NCAM2: variants seen among roughly 807,000 people sequenced by gnomAD.
NCAM2 encodes the protein N-CAM-2.
Under a neutral mutation model 98.1 loss-of-function variants are expected in NCAM2, and 30 were observed. The ratio of observed to expected loss-of-function variants is 0.31; its 90% CI spans 0.23 to 0.41. The LOEUF is 0.41. NCAM2 is among the 10% of genes least tolerant of loss of function. The pLI is 1.00. For synonymous variants in NCAM2, 368 were observed against 342.4 expected, an observed-to-expected ratio of 1.07 and a Z score of -0.83; for missense variants, 867 against 1,005.8, an observed-to-expected ratio of 0.86 and a Z score of 1.87.
At chr21:21,284,918 C>A (rs1414260427) in intron 3 of NCAM2, among the ~76,000 whole-genome samples, 1 of 151,628 alleles carries the variant, frequency 6.6e-6, no homozygotes, top group African/African-American at 2.4e-5. Context: ...ATTTGCACTT[C>A]ATTTTATGTC....
chr21:21,083,029 A>T (rs1201004318), intron 1 of NCAM2, among the ~76,000 whole-genome samples: 2 of 152,370 alleles, frequency 1.3e-5, no homozygotes, highest in Non-Finnish European at 2.9e-5. Flanking sequence ...AGCATTTGTC[A>T]GAACAGAATA....
intron 1 of NCAM2, chr21:21,146,982 C>G (rs938848247): frequency 1.5e-6 from 1 of 664,908 alleles, no homozygotes; most frequent in African/African-American, 2.0e-5. Context: ...GAACTCAGAC[C>G]GCTGCCTTCT....
At chr21:21,128,960 T>A (rs1266326936) in intron 1 of NCAM2, among the ~76,000 whole-genome samples, 1 of 152,070 alleles carries the variant, frequency 6.6e-6, no homozygotes, top group Non-Finnish European at 1.5e-5. Context: ...ATCCAAAGAA[T>A]GAATGAGCAG....
chr21:21,484,189 A>G (rs1267754079), intron 15 of NCAM2, among the ~76,000 whole-genome samples: 2 of 152,166 alleles, frequency 1.3e-5, no homozygotes, highest in African/African-American at 2.4e-5. Flanking sequence ...ATAAACATCA[A>G]TATTGACCTT....
intron 8 of NCAM2, among the ~76,000 whole-genome samples, chr21:21,359,366 A>T (rs1327595850): frequency 6.6e-6 from 1 of 151,920 alleles, no homozygotes; most frequent in Non-Finnish European, 1.5e-5. Flanking sequence ...ATCATTTACA[A>T]CTTTCTGAAA....
At chr21:21,483,852 C>T (rs1032560467) in intron 15 of NCAM2, among the ~76,000 whole-genome samples, 3 of 152,008 alleles carry the variant, frequency 2.0e-5, no homozygotes, top group Non-Finnish European at 4.4e-5. Context: ...TGCTTATGGC[C>T]AATAGGTTAA....
intron 16 of NCAM2, among the ~76,000 whole-genome samples, chr21:21,534,237 T>C (rs1217289763): frequency 1.3e-5 from 2 of 152,072 alleles, no homozygotes; most frequent in African/African-American, 2.4e-5. Flanking sequence ...ATTTTCATTT[T>C]TTTCAAAATA....
At chr21:21,380,549 G>T (rs1286426444) in intron 9 of NCAM2, among the ~76,000 whole-genome samples, 1 of 151,840 alleles carries the variant, frequency 6.6e-6, no homozygotes, top group East Asian at 1.9e-4. Flanking sequence ...GCTCCAGAAG[G>T]ATTCTGTTTT....
chr21:21,349,049 C>A (rs1415730067), intron 8 of NCAM2, among the ~76,000 whole-genome samples: 1 of 152,052 alleles, frequency 6.6e-6, no homozygotes, highest in East Asian at 1.9e-4. Context: ...AGCAATACCC[C>A]ACAAGCACAG....
At chr21:21,364,601 C>T (rs2075737397) in intron 8 of NCAM2, among the ~76,000 whole-genome samples, 1 of 151,752 alleles carries the variant, frequency 6.6e-6, no homozygotes, top group South Asian at 2.1e-4. Context: ...TGTATATATA[C>T]ATATATACAC....
intron 1 of NCAM2, among the ~76,000 whole-genome samples, chr21:21,257,879 C>T (rs1029648405): frequency 6.6e-6 from 1 of 152,178 alleles, no homozygotes; most frequent in Non-Finnish European, 1.5e-5. Flanking sequence ...CTGTACCGGG[C>T]CCCCAATGTT....
intron 1 of NCAM2, among the ~76,000 whole-genome samples, chr21:21,234,573 G>T (rs1398040000): frequency 6.6e-6 from 1 of 151,884 alleles, no homozygotes; most frequent in Non-Finnish European, 1.5e-5. Context: ...AGTGCTCAGA[G>T]AATAAAAAAT....
intron 9 of NCAM2, among the ~76,000 whole-genome samples, chr21:21,402,938 C>A (rs573370019): frequency 6.6e-6 from 1 of 152,098 alleles, no homozygotes; most frequent in African/African-American, 2.4e-5. Context: ...TAAGGGTTAT[C>A]TTTTCTCTGC....
chr21:21,264,410 G>T (rs2072044399), intron 1 of NCAM2, among the ~76,000 whole-genome samples: 1 of 151,978 alleles, frequency 6.6e-6, no homozygotes, highest in African/African-American at 2.4e-5. Context: ...ATGTAAATTA[G>T]TTCAACCCCA....
At chr21:21,374,279 A>G (rs1568992974) in intron 9 of NCAM2, among the ~76,000 whole-genome samples, 1 of 151,838 alleles carries the variant, frequency 6.6e-6, no homozygotes. Context: ...AACTCAAAAC[A>G]CAGTATCAAC....
chr21:21,493,870 T>A (rs1329038626), intron 15 of NCAM2, among the ~76,000 whole-genome samples: 1 of 151,990 alleles, frequency 6.6e-6, no homozygotes, highest in East Asian at 1.9e-4. Context: ...TTTCTACGTG[T>A]CTTTTTATAA....
chr21:21,370,196 T>C (rs1245435978), intron 8 of NCAM2, among the ~76,000 whole-genome samples: 2 of 151,818 alleles, frequency 1.3e-5, no homozygotes, highest in African/African-American at 4.8e-5. Flanking sequence ...CCAAATTAGG[T>C]TTCCTTTCTG....
intron 2 of NCAM2, among the ~76,000 whole-genome samples, chr21:21,281,919 A>T (rs908584324): frequency 1.3e-5 from 2 of 151,764 alleles, no homozygotes; most frequent in Non-Finnish European, 3.0e-5. Flanking sequence ...TTTATAAATC[A>T]TATTCAGAGC....
intron 12 of NCAM2, among the ~76,000 whole-genome samples, chr21:21,436,075 A>G (rs1009001987): frequency 3.9e-5 from 6 of 152,230 alleles, no homozygotes; most frequent in African/African-American, 1.2e-4. Flanking sequence ...AAGACATAGT[A>G]AAGATATTCA....
Sources: gnomAD v4.1 joint callset for allele counts (sites outside exome capture counted in the v4.1 genomes callset) on GRCh38, gnomAD v4.1.1 for gene constraint, MANE v1.5 for transcripts, NCBI Gene and HGNC (gene_info 2026-07-23, HGNC 2026-07-21) for gene names.